Variants in COL11A1 observed in about 807,000 individuals in gnomAD.
The protein encoded by COL11A1 is collagen alpha-1(XI) chain.
COL11A1 carries 74 observed loss-of-function variants against 265.2 expected under a neutral mutation model. That is an observed-to-expected ratio of 0.28 (90% CI 0.23 to 0.34). The LOEUF is 0.34. COL11A1 is among the 10% of genes least tolerant of loss of function. The probability of loss-of-function intolerance (pLI) is 1.00; values close to 1 mark genes in which losing one functional copy is unlikely to be tolerated. For missense variants in COL11A1, 2,165 were observed against 2,263.6 expected, an observed-to-expected ratio of 0.96 and a Z score of 0.88; for synonymous variants, 816 against 727.6, an observed-to-expected ratio of 1.12 and a Z score of -1.96.
At chr1:102,919,827 T>C (rs886289870) in intron 49 of COL11A1, among the ~76,000 whole-genome samples, 2 of 152,044 alleles carry the variant, frequency 1.3e-5, no homozygotes, top group Non-Finnish European at 2.9e-5. Context: ...GTAATGAAAA[T>C]ATAACTCAAA....
intron 46 of COL11A1, among the ~76,000 whole-genome samples, chr1:102,930,804 T>C (rs1657322842): frequency 6.6e-6 from 1 of 151,344 alleles, no homozygotes; most frequent in Non-Finnish European, 1.5e-5. Context: ...TTCAACTTCT[T>C]CCTGGTTTAG....
chr1:102,993,006 A>T (rs1005267069), intron 28 of COL11A1, among the ~76,000 whole-genome samples: 2 of 151,970 alleles, frequency 1.3e-5, no homozygotes, highest in East Asian at 3.9e-4. Flanking sequence ...CCTCATATAT[A>T]TCTAGTCATT....
chr1:102,976,284 G>A (rs1570920993), intron 35 of COL11A1, among the ~76,000 whole-genome samples: 1 of 84,104 alleles, frequency 1.2e-5, no homozygotes, highest in Non-Finnish European at 2.7e-5. Context: ...CACAGAAAAC[G>A]TTGGCTTTTT....
chr1:102,989,626 C>A lies in COL11A1; in HGVS notation c.2341-55G>T. ...AGTTTAATCAGTCCTTTGGAGTAACCTAAAATATTGCTATAAAAATTTATG... is the reference window on the plus strand; with the variant it reads ...AGTTTAATCAGTCCTTTGGAGTAACATAAAATATTGCTATAAAAATTTATG... On this transcript the variant is annotated intron_variant, in intron 28 of 66. Transcript: ENST00000370096. 10 of 1,219,022 alleles carry A rather than the reference C, an allele frequency of 8.2e-6. No individual in the cohort carries two copies. The South Asian group carries it at 1.1e-4, about 14-fold the overall frequency. 75.5% of individuals were successfully genotyped at this position (1,219,022 alleles called of 1,614,324 possible). A position where few individuals can be genotyped will look rare whatever the true frequency, so the allele number is the denominator to read the frequency against.
chr1:103,108,249 C>T lies in COL11A1; in HGVS notation c.-71G>A. 1 of 1,198,968 alleles carries T rather than the reference C, an allele frequency of 8.3e-7. No homozygotes were observed. The highest frequency in any genetic ancestry group is 1.2e-6 in the Non-Finnish European group (1 of 808,278). 74.3% of individuals were successfully genotyped at this position (1,198,968 alleles called of 1,614,324 possible). A position where few individuals can be genotyped will look rare whatever the true frequency, so the allele number is the denominator to read the frequency against. ...CGACTGCAGACCAACTTCGTCCTTT[C>T]CAAGGTATCGCCAGGGATGTTTGCT... On this transcript the variant is annotated 5_prime_UTR_variant, in exon 1 of 67. Coordinates refer to ENST00000370096, the MANE Select transcript of COL11A1 (RefSeq NM_001854.4).
At chr1:103,084,927 C>T (rs532048279) in intron 1 of COL11A1, among the ~76,000 whole-genome samples, 5 of 152,230 alleles carry the variant, frequency 3.3e-5, no homozygotes, top group African/African-American at 1.2e-4. Flanking sequence ...ACTGAAAACA[C>T]GTTTCATACT....
intron 66 of COL11A1, 115 bp from the exon 67 acceptor site, chr1:102,878,280 AAAAC>A (rs1356341673): frequency 6.7e-6 from 6 of 899,316 alleles, no homozygotes; most frequent in Non-Finnish European, 6.6e-6. Context: ...AGAGAATAGA[AAAAC>A]AAATTTTCTA....
At chr1:102,942,453 A>G (rs895203738) in intron 42 of COL11A1, among the ~76,000 whole-genome samples, 2 of 152,168 alleles carry the variant, frequency 1.3e-5, no homozygotes, top group Non-Finnish European at 2.9e-5. Context: ...TCAAGATGAC[A>G]TAACTCTTCC....
At chr1:102,910,772 C>T (rs11806144) in intron 54 of COL11A1, among the ~76,000 whole-genome samples, 178 of 152,072 alleles carry the variant, frequency 1.2e-3, no homozygotes, top group African/African-American at 4.1e-3. Context: ...ATTTGCCCAA[C>T]GTAATACAGG....
At chr1:102,934,945 C>T in intron 45 of COL11A1, 115 bp downstream of exon 45, 1 of 947,196 alleles carries the variant, frequency 1.1e-6, no homozygotes, top group Admixed American at 2.0e-5. Flanking sequence ...GATTTAATGT[C>T]AAACATACAA....
intron 2 of COL11A1, among the ~76,000 whole-genome samples, chr1:103,081,251 C>T (rs946307425): frequency 6.6e-6 from 1 of 151,718 alleles, no homozygotes; most frequent in Middle Eastern, 3.2e-3. Context: ...AGATAATGAG[C>T]TAAAGTATAA....
chr1:102,899,074 C>G (rs570612953), intron 54 of COL11A1, 80 bp from the exon 55 acceptor site: 2 of 758,926 alleles, frequency 2.6e-6, no homozygotes, highest in Admixed American at 2.7e-5. Flanking sequence ...AAACACTAAA[C>G]TTTAGTTTGT....
chr1:102,940,439 A>G lies in COL11A1; in HGVS notation c.3277-5T>C, dbSNP rs1469425202. On this transcript the variant is annotated splice_polypyrimidine_tract_variant and splice_region_variant and intron_variant, in intron 42 of 66. Coordinates refer to ENST00000370096, the MANE Select transcript of COL11A1 (RefSeq NM_001854.4). ...CCCTTGGGGACCTTTTTCTCCCTGT[A>G]TTGAATATCCAAAGATCATTAATTT... 3 of 1,601,552 alleles carry G rather than the reference A, an allele frequency of 1.9e-6. No individual in the cohort carries two copies. The highest frequency in any genetic ancestry group is 2.6e-6 in the Non-Finnish European group (3 of 1,169,068).
chr1:103,081,060 A>G (rs552368071), intron 2 of COL11A1, among the ~76,000 whole-genome samples: 1 of 152,022 alleles, frequency 6.6e-6, no homozygotes, highest in African/African-American at 2.4e-5. Flanking sequence ...CTGGGCTAAT[A>G]ATTTAATCTG....
intron 24 of COL11A1, among the ~76,000 whole-genome samples, chr1:102,998,778 C>T (rs1664861990): frequency 6.6e-6 from 1 of 151,750 alleles, no homozygotes; most frequent in Admixed American, 6.6e-5. Flanking sequence ...TACATAGTAA[C>T]ATTGATGAAA....
chr1:102,882,416 T>A (rs934639153), intron 64 of COL11A1, among the ~76,000 whole-genome samples: 1 of 152,174 alleles, frequency 6.6e-6, no homozygotes, highest in East Asian at 1.9e-4. Context: ...CTGTGCTTCA[T>A]TACATGCCAA....
chr1:103,090,668 G>A (rs1230211081), intron 1 of COL11A1, among the ~76,000 whole-genome samples: 1 of 152,042 alleles, frequency 6.6e-6, no homozygotes, highest in Non-Finnish European at 1.5e-5. Flanking sequence ...ACGCTGTAAG[G>A]AATTTTAAAC....
intron 57 of COL11A1, among the ~76,000 whole-genome samples, chr1:102,893,098 G>T (rs1402179071): frequency 6.6e-6 from 1 of 152,090 alleles, no homozygotes; most frequent in Non-Finnish European, 1.5e-5. Flanking sequence ...AAACAGTGAA[G>T]CATAATATAA....
Position 102,889,501 on chromosome 1 carries a change from C to T in COL11A1, c.4418G>A (p.Arg1473Gln), listed in dbSNP as rs369947899. 6.2e-6 allele frequency: 10 copies of T among 1,613,462 alleles called. No homozygotes were observed. Among genetic ancestry groups the T allele is most frequent in the African/African-American group, 2.7e-5 (2 of 74,810 alleles). Residue 1473 changes from arginine to glutamine, a missense_variant, in exon 59 of 67, where the codon CGA (arginine) becomes CAA (glutamine). Arg to Gln is a conservative substitution (Grantham distance 43). Coordinates refer to ENST00000370096, the MANE Select transcript of COL11A1 (RefSeq NM_001854.4). ...AGATCCTTGAGTTCCAGGGAGCCCT[C>T]GGTCACCTTTTTCCCCTTGTTCTCC... ...PPGEQGEKGD[R>Q]GLPGTQGSPG... is the part of the protein sequence containing the mutation.
Sources: gnomAD v4.1 joint callset for allele counts (sites outside exome capture counted in the v4.1 genomes callset) on GRCh38, gnomAD v4.1.1 for gene constraint, MANE v1.5 for transcripts, NCBI Gene and HGNC (gene_info 2026-07-23, HGNC 2026-07-21) for gene names.